RPH3A: variants seen among roughly 807,000 people sequenced by gnomAD.
The protein encoded by RPH3A is rabphilin 3A.
A neutral mutation model predicts 102.2 loss-of-function variants in RPH3A; 48 were observed. The ratio of observed to expected loss-of-function variants is 0.47; its 90% CI spans 0.37 to 0.60. RPH3A has a LOEUF of 0.60. RPH3A is among the 20% of genes least tolerant of loss of function. The pLI is 0.00. For synonymous variants in RPH3A, 310 were observed against 324.3 expected (o/e 0.96, Z 0.47); for missense variants, 781 against 910.1 (o/e 0.86, Z 1.83).
chr12:112,828,482 C>A, intron 3 of RPH3A, 93 bp downstream of exon 3: 3 of 924,370 alleles, frequency 3.2e-6, no homozygotes, highest in Non-Finnish European at 5.0e-6. Flanking sequence ...TAGCTTCCTT[C>A]CCTGAGGAAG....
intron 5 of RPH3A, among the ~76,000 whole-genome samples, chr12:112,859,826 C>A (rs1344730220): frequency 6.6e-6 from 1 of 152,252 alleles, no homozygotes; most frequent in East Asian, 1.9e-4. Flanking sequence ...ACATTCTCCC[C>A]AGCTGATCTA....
At chr12:112,745,274 A>G (rs2040736656) in intron 1 of RPH3A, among the ~76,000 whole-genome samples, 1 of 152,198 alleles carries the variant, frequency 6.6e-6, no homozygotes, top group Non-Finnish European at 1.5e-5. Context: ...GGTTTGTCTT[A>G]TTCCTGGTGA....
At chr12:112,760,148 G>C (rs769395220) in intron 1 of RPH3A, among the ~76,000 whole-genome samples, 1 of 152,138 alleles carries the variant, frequency 6.6e-6, no homozygotes, top group Non-Finnish European at 1.5e-5. Context: ...GATTTTAAGC[G>C]TGGGTATTCT....
At chr12:112,892,861 C>G (rs922219960) in intron 19 of RPH3A, 3 of 152,232 alleles carry the variant, frequency 2.0e-5, no homozygotes, top group South Asian at 2.1e-4. Flanking sequence ...AGCAATACTT[C>G]CCTTTAGTCC....
chr12:112,831,897 T>C (rs555847566), intron 3 of RPH3A: 9 of 432,794 alleles, frequency 2.1e-5, no homozygotes, highest in African/African-American at 1.2e-4. Context: ...TGTGCTTAAG[T>C]GTGTATTTCT....
At chr12:112,873,219 C>T (rs1198440879) in intron 10 of RPH3A, among the ~76,000 whole-genome samples, 1 of 152,222 alleles carries the variant, frequency 6.6e-6, no homozygotes, top group African/African-American at 2.4e-5. Context: ...ATGGGTCATA[C>T]TGATCCAATC....
intron 1 of RPH3A, among the ~76,000 whole-genome samples, chr12:112,619,558 C>T (rs565075698): frequency 6.6e-6 from 1 of 152,304 alleles, no homozygotes; most frequent in Admixed American, 6.5e-5. Flanking sequence ...GCTAGGATTA[C>T]AGGCGTGAGC....
chr12:112,579,961 A>G (rs2039385041), intron 1 of RPH3A, among the ~76,000 whole-genome samples: 1 of 152,124 alleles, frequency 6.6e-6, no homozygotes, highest in Admixed American at 6.5e-5. Context: ...ATTTCCAGTT[A>G]TTTCATTCAC....
chr12:112,776,992 G>T lies in RPH3A; in HGVS notation c.-139-15151G>T, dbSNP rs1447917770. Among the ~76,000 whole-genome samples, 5 of 151,190 alleles carry T rather than the reference G, an allele frequency of 3.3e-5. No homozygotes were observed. The Admixed American group carries it at 3.3e-4, about 10-fold the overall frequency. On this transcript the variant is annotated intron_variant, in intron 1 of 21. Transcript: ENST00000543106. ...GCACAGGTCAAATTCAGTTCAAAGG[G>T]TGGAGAAGTTAACTCCATCTCTTGA...
At chr12:112,784,348 C>G (rs1318835181) in intron 1 of RPH3A, among the ~76,000 whole-genome samples, 1 of 152,206 alleles carries the variant, frequency 6.6e-6, no homozygotes, top group African/African-American at 2.4e-5. Context: ...TCAGCCCTCT[C>G]CCTGCAGCAG....
chr12:112,675,027 C>T (rs1240945369), intron 1 of RPH3A, among the ~76,000 whole-genome samples: 2 of 152,210 alleles, frequency 1.3e-5, no homozygotes, highest in Non-Finnish European at 2.9e-5. Flanking sequence ...AGCAATCTCT[C>T]CCCGCTCCAA....
intron 17 of RPH3A, 83 bp downstream of exon 17, chr12:112,888,006 T>C: frequency 1.3e-6 from 2 of 1,505,808 alleles, no homozygotes; most frequent in Non-Finnish European, 9.1e-7. Flanking sequence ...TTGGGGGAAA[T>C]AGATCCACGG....
chr12:112,761,254 G>A (rs2040853465), intron 1 of RPH3A, among the ~76,000 whole-genome samples: 1 of 152,246 alleles, frequency 6.6e-6, no homozygotes, highest in African/African-American at 2.4e-5. Context: ...AAGATTTCAG[G>A]AGGCTTTGAA....
At chr12:112,780,222 G>A (rs563005316) in intron 1 of RPH3A, among the ~76,000 whole-genome samples, 1 of 152,176 alleles carries the variant, frequency 6.6e-6, no homozygotes, top group South Asian at 2.1e-4. Flanking sequence ...ATTGATTGAG[G>A]GGGTACATGG....
chr12:112,805,035 A>C (rs2041430948), intron 2 of RPH3A, among the ~76,000 whole-genome samples: 1 of 152,088 alleles, frequency 6.6e-6, no homozygotes, highest in Non-Finnish European at 1.5e-5. Flanking sequence ...CCTAGAAAAA[A>C]CAAACAAACA....
intron 1 of RPH3A, among the ~76,000 whole-genome samples, chr12:112,621,658 C>A (rs1242616358): frequency 1.4e-4 from 21 of 151,920 alleles, no homozygotes; most frequent in Non-Finnish European, 2.7e-4. Context: ...CCCAGGCTTG[C>A]TTAGGTAAAC....
At chr12:112,765,820 A>T (rs2040884769) in intron 1 of RPH3A, among the ~76,000 whole-genome samples, 1 of 152,164 alleles carries the variant, frequency 6.6e-6, no homozygotes, top group African/African-American at 2.4e-5. Flanking sequence ...ATGGAAATTG[A>T]TTTAGCTCCA....
chr12:112,595,040 C>T (rs560486285), intron 1 of RPH3A, among the ~76,000 whole-genome samples: 1 of 152,302 alleles, frequency 6.6e-6, no homozygotes, highest in Non-Finnish European at 1.5e-5. Flanking sequence ...AGAGCTTGGG[C>T]TCTGGGTCTG....
intron 2 of RPH3A, among the ~76,000 whole-genome samples, chr12:112,819,214 T>C (rs2041733710): frequency 6.6e-6 from 1 of 152,056 alleles, no homozygotes. Context: ...CAAGCGATTC[T>C]TGTGCCTCAG....
Sources: allele counts gnomAD v4.1 joint callset (sites outside exome capture counted in the v4.1 genomes callset), GRCh38; gene constraint gnomAD v4.1.1; transcripts MANE v1.5; gene names NCBI Gene and HGNC (gene_info 2026-07-23, HGNC 2026-07-21).